MUSK: variants seen among roughly 807,000 people sequenced by gnomAD.
MUSK encodes the protein muscle, skeletal receptor tyrosine-protein kinase.
In MUSK, 55 loss-of-function variants were observed where a neutral mutation model predicts 88.7. The ratio of observed to expected loss-of-function variants is 0.62; its 90% CI spans 0.50 to 0.78. The LOEUF is 0.78. MUSK is among the 30% of genes least tolerant of loss of function. The pLI is 0.00. For missense variants in MUSK, 1,015 were observed against 1,074.3 expected, an observed-to-expected ratio of 0.94 and a Z score of 0.77; for synonymous variants, 387 against 391.9, an observed-to-expected ratio of 0.99 and a Z score of 0.15.
intron 1 of MUSK, among the ~76,000 whole-genome samples, chr9:110,681,498 A>G (rs2076136151): frequency 6.6e-6 from 1 of 151,946 alleles, no homozygotes; most frequent in Non-Finnish European, 1.5e-5. Context: ...TTTTAATAGT[A>G]TCTGTGTGAC....
At chr9:110,769,152 A>G (rs1324465505) in intron 9 of MUSK, among the ~76,000 whole-genome samples, 1 of 152,118 alleles carries the variant, frequency 6.6e-6, no homozygotes, top group Non-Finnish European at 1.5e-5. Flanking sequence ...TTATTCCTAA[A>G]TTTTCTGTTG....
intron 14 of MUSK, among the ~76,000 whole-genome samples, chr9:110,789,949 A>G (rs2254097): frequency 0.81 from 123,195 of 152,036 alleles, 50,047 homozygotes; most frequent in African/African-American, 0.84. Context: ...CATGAGGTTG[A>G]GTAAGACACC....
At chr9:110,750,081 ATG>A (rs1208551859) in intron 7 of MUSK, among the ~76,000 whole-genome samples, 1 of 64,944 alleles carries the variant, frequency 1.5e-5, no homozygotes, top group Non-Finnish European at 4.3e-5. Context: ...ATACACACAC[ATG>A]GAGAGAGAGA....
Position 110,787,905 on chromosome 9 carries a change from T to C in MUSK, c.1927+67T>C, listed in dbSNP as rs763567986. On this transcript the variant is annotated intron_variant, in intron 14 of 14. Transcript: ENST00000374448. Reference sequence around the variant, plus strand: ...AGAGGCTTTCCAAGTTTTTCTCCCCTTGTTCGTGCTTTTTCCTTTTCTCCT... The same window carrying C: ...AGAGGCTTTCCAAGTTTTTCTCCCCCTGTTCGTGCTTTTTCCTTTTCTCCT... The C allele has an allele frequency of 2.0e-6, 3 of 1,526,470 alleles. No homozygotes were observed. The South Asian group carries it at 3.6e-5, about 18-fold the overall frequency. The allele number at this position is 1,526,470 out of a possible 1,614,324, so 94.6% of individuals were successfully genotyped here. A position where few individuals can be genotyped will look rare whatever the true frequency, so the allele number is the denominator to read the frequency against.
chr9:110,767,002 A>T (rs2077494862), intron 8 of MUSK, among the ~76,000 whole-genome samples: 3 of 152,240 alleles, frequency 2.0e-5, no homozygotes, highest in Admixed American at 2.0e-4. Context: ...AATTGTCTTC[A>T]GTTATTATAG....
At chr9:110,697,247 A>G in intron 4 of MUSK, 78 bp from the exon 5 acceptor site, 2 of 1,460,606 alleles carry the variant, frequency 1.4e-6, no homozygotes, top group South Asian at 2.5e-5. Context: ...AGTGATGACA[A>G]TAAGTTGATG....
chr9:110,754,782 C>A (rs2077291369), intron 7 of MUSK, among the ~76,000 whole-genome samples: 1 of 152,210 alleles, frequency 6.6e-6, no homozygotes, highest in Non-Finnish European at 1.5e-5. Context: ...TGTATAATGG[C>A]AGAACTGCCA....
rs7026508 is a variant in MUSK at position 110,790,452 on chromosome 9, G to T, written c.1927+2614G>T. 1.0e-3 allele frequency among the ~76,000 whole-genome samples: 156 copies of T among 152,320 alleles called. 1 individual carries two copies. The highest frequency in any genetic ancestry group is 1.2e-3 in the Non-Finnish European group (80 of 68,034). ...TTTGTAAATTAATGAGAATGATCCC[G>T]TAAAGAGAAAAATTGATGACAGGGT... On this transcript the variant is annotated intron_variant, in intron 14 of 14. Coordinates refer to ENST00000374448, the MANE Select transcript of MUSK (RefSeq NM_005592.4).
intron 7 of MUSK, among the ~76,000 whole-genome samples, chr9:110,749,172 G>C (rs1394644957): frequency 1.3e-5 from 2 of 152,156 alleles, no homozygotes; most frequent in Non-Finnish European, 2.9e-5. Context: ...ATTGTGTTGG[G>C]TAGAGTAAGA....
intron 7 of MUSK, among the ~76,000 whole-genome samples, chr9:110,755,745 C>T (rs1017487896): frequency 6.6e-6 from 1 of 151,718 alleles, no homozygotes; most frequent in Non-Finnish European, 1.5e-5. Flanking sequence ...CTTCCCTTTC[C>T]TCCTGTTCCT....
chr9:110,691,232 T>G (rs991393345), intron 3 of MUSK, among the ~76,000 whole-genome samples: 1 of 152,130 alleles, frequency 6.6e-6, no homozygotes, highest in African/African-American at 2.4e-5. Flanking sequence ...AGTCTGCATT[T>G]AAAATCTTCA....
At chr9:110,669,274 C>G (rs530769920) in intron 1 of MUSK, among the ~76,000 whole-genome samples, 1 of 152,136 alleles carries the variant, frequency 6.6e-6, no homozygotes, top group Non-Finnish European at 1.5e-5. Flanking sequence ...TTATCAAGGT[C>G]TATTTTGTTT....
At position 110,668,961 on chromosome 9, in the gene MUSK, C is replaced by A; in HGVS notation, c.57C>A (p.Ser19Arg). 3.1e-6 allele frequency: 5 copies of A among 1,613,634 alleles called. No individual in the cohort carries two copies. The highest frequency in any genetic ancestry group is 4.2e-6 in the Non-Finnish European group (5 of 1,179,608). ...LVHILTLVAF[S>R]GTEKLPKAPV... ...ATATTCTTACTCTGGTTGCCTTCAG[C>A]GGAACTGAGAAACTTCCAAAAGGTT... Residue 19 changes from serine (S) to arginine (R), a missense_variant, in exon 1 of 15, where the codon AGC (serine) becomes AGA (arginine). Physicochemically the swap from Ser to Arg is moderately radical, Grantham distance 110. Transcript: ENST00000374448.
intron 13 of MUSK, 104 bp downstream of exon 13, chr9:110,785,822 A>ATG (rs1016705253): frequency 3.3e-6 from 2 of 613,962 alleles, no homozygotes; most frequent in South Asian, 2.7e-5. Context: ...TTATATATAT[A>ATG]TACACACACA....
chr9:110,745,453 G>C (rs982128096), intron 6 of MUSK, among the ~76,000 whole-genome samples: 1 of 152,138 alleles, frequency 6.6e-6, no homozygotes, highest in African/African-American at 2.4e-5. Context: ...ATCTAAACTG[G>C]AAAGAGATAT....
Position 110,682,757 on chromosome 9 carries a change from C to G in MUSK, c.163C>G (p.Pro55Ala). The G allele has an allele frequency of 6.2e-7, 1 of 1,612,566 alleles. No homozygotes were observed. Reference sequence around the variant, plus strand: ...TTTCATGTGTGCAGTGGAATCCTACCCCCAGCCTGAGATTTCCTGGACTAG... The same window carrying G: ...TTTCATGTGTGCAGTGGAATCCTACGCCCAGCCTGAGATTTCCTGGACTAG... ...ATFMCAVESY[P>A]QPEISWTRNK... is the part of the protein sequence containing the mutation. Residue 55 changes from proline to alanine, a missense_variant, in exon 2 of 15, where the codon CCC becomes GCC. By Grantham distance (27) the Pro-to-Ala change is conservative. Transcript: ENST00000374448.
At chr9:110,703,966 A>G (rs1199580367) in intron 5 of MUSK, among the ~76,000 whole-genome samples, 1 of 152,210 alleles carries the variant, frequency 6.6e-6, no homozygotes, top group Admixed American at 6.5e-5. Context: ...TCAAAGACAA[A>G]GAGATTATCT....
At chr9:110,694,825 G>T (rs555427371) in intron 3 of MUSK, among the ~76,000 whole-genome samples, 4 of 123,116 alleles carry the variant, frequency 3.2e-5, no homozygotes, top group East Asian at 2.4e-4. Context: ...TGTTTGAACA[G>T]TAAATTACAT....
At chr9:110,702,957 C>CCA (rs1365550341) in intron 5 of MUSK, among the ~76,000 whole-genome samples, 8 of 151,436 alleles carry the variant, frequency 5.3e-5, no homozygotes, top group South Asian at 2.1e-4. Flanking sequence ...GCCAAAAAAC[C>CCA]CACACACACA....
Sources: allele counts gnomAD v4.1 joint callset (sites outside exome capture counted in the v4.1 genomes callset), GRCh38; gene constraint gnomAD v4.1.1; transcripts MANE v1.5; gene names NCBI Gene and HGNC (gene_info 2026-07-23, HGNC 2026-07-21).